FGF13: variants seen among roughly 807,000 people sequenced by gnomAD.
FGF13 encodes the protein fibroblast growth factor 13.
In FGF13, 2 loss-of-function variants were observed where a neutral mutation model predicts 19.5. The observed-to-expected ratio is 0.10, with a 90% CI of 0.04 to 0.32. FGF13 has a LOEUF of 0.32. FGF13 is among the 10% of genes least tolerant of loss of function. The pLI, the probability that FGF13 is intolerant of heterozygous loss-of-function variation, is 1.00. For missense variants in FGF13, 113 were observed against 192.7 expected, an observed-to-expected ratio of 0.59 and a Z score of 2.45; for synonymous variants, 72 against 76.9, an observed-to-expected ratio of 0.94 and a Z score of 0.33.
chrX:139,096,499 T>C (rs748246529), intron 1 of FGF13, among the ~76,000 whole-genome samples: 3 of 111,641 alleles, frequency 2.7e-5, no homozygotes, highest in South Asian at 7.5e-4. Flanking sequence ...AGTAGAAAAA[T>C]TGTGTTTTGT....
chrX:138,997,745 T>A (rs993623661), intron 1 of FGF13, among the ~76,000 whole-genome samples: 4 of 112,209 alleles, frequency 3.6e-5, no homozygotes. Flanking sequence ...TGGAACCAAA[T>A]TGGAAAACAC....
chrX:138,737,971 C>T (rs1204446103), intron 1 of FGF13, among the ~76,000 whole-genome samples: 5 of 112,151 alleles, frequency 4.5e-5, no homozygotes, highest in Non-Finnish European at 9.4e-5. Flanking sequence ...ACTAATATTG[C>T]CCTTGATGTA....
Position 138,621,622 on chromosome X carries a change from T to C in FGF13, c.*11228A>G, listed in dbSNP as rs2089016051. On this transcript the variant is annotated 3_prime_UTR_variant, in exon 5 of 5. Transcript: ENST00000315930. ...AATATCAGAACAGAAAAAAGTGAAATAGAAACTAGAAAAATAAAAAAGAGC... is the reference window on the plus strand; with the variant it reads ...AATATCAGAACAGAAAAAAGTGAAACAGAAACTAGAAAAATAAAAAAGAGC... 1 of 109,752 alleles carries C rather than the reference T, an allele frequency of 9.1e-6. No individual in the cohort carries two copies. The highest frequency in any genetic ancestry group is 3.3e-5 in the African/African-American group (1 of 30,186). The allele number at this position is 109,752 out of a possible 1,213,427, so 9.0% of individuals were successfully genotyped here.
At chrX:139,106,723 A>C (rs2083562994) in intron 1 of FGF13, among the ~76,000 whole-genome samples, 1 of 112,795 alleles carries the variant, frequency 8.9e-6, no homozygotes, top group African/African-American at 3.2e-5. Flanking sequence ...ACCAATGAAA[A>C]TACTACATAA....
At chrX:138,967,666 T>C (rs1207394297) in intron 1 of FGF13, among the ~76,000 whole-genome samples, 1 of 111,427 alleles carries the variant, frequency 9.0e-6, no homozygotes, top group East Asian at 2.8e-4. Flanking sequence ...CAAGCCACAA[T>C]TTTGAATACA....
Position 138,711,234 on chromosome X carries a change from G to A in FGF13, c.-231C>T. The A allele has an allele frequency of 9.7e-7, 1 of 1,028,668 alleles. No homozygotes were observed. Among genetic ancestry groups the A allele is most frequent in the Non-Finnish European group, 1.2e-6 (1 of 815,076 alleles). 84.8% of individuals were successfully genotyped at this position (1,028,668 alleles called of 1,213,427 possible). ...CTCCCGCGCGGGCTGCTGGCTGCCT[G>A]GGTCGGAGTCGACGCCACAGCCCCG... is the stretch of plus-strand genomic sequence containing the variant. On this transcript the variant is annotated 5_prime_UTR_variant, in exon 1 of 5. An upstream open reading frame in the 5' UTR gains an earlier in-frame stop. Transcript: ENST00000315930.
intron 3 of FGF13, among the ~76,000 whole-genome samples, chrX:138,757,487 TGTCA>T (rs968927036): frequency 4.5e-5 from 5 of 111,381 alleles, no homozygotes; most frequent in African/African-American, 1.3e-4. Flanking sequence ...ATCCTTAAAA[TGTCA>T]GTCAAAGGCC....
At chrX:139,026,067 G>T (rs1401324353) in intron 1 of FGF13, among the ~76,000 whole-genome samples, 1 of 110,750 alleles carries the variant, frequency 9.0e-6, no homozygotes, top group African/African-American at 3.3e-5. Context: ...TGCTTAATGT[G>T]GCTCATTATA....
At chrX:139,188,951 C>T (rs1426882357) in intron 1 of FGF13, among the ~76,000 whole-genome samples, 4 of 110,706 alleles carry the variant, frequency 3.6e-5, no homozygotes, top group African/African-American at 1.3e-4. Flanking sequence ...CTGCACTCAA[C>T]AAGTTTACAG....
intron 1 of FGF13, among the ~76,000 whole-genome samples, chrX:139,076,097 A>G (rs1438935745): frequency 2.7e-5 from 3 of 111,460 alleles, no homozygotes; most frequent in Non-Finnish European, 3.8e-5. Context: ...CTGCTCTCTG[A>G]TGATTATACT....
chrX:139,012,406 T>C (rs1007117753), intron 1 of FGF13, among the ~76,000 whole-genome samples: 3 of 110,838 alleles, frequency 2.7e-5, no homozygotes, highest in Non-Finnish European at 5.7e-5. Flanking sequence ...ACTAAGCAAA[T>C]AGAACAAATC....
rs191916895 is a variant in FGF13, at chrX:138,980,824, T to A, written c.-112-116174A>T. ...TTCATTTTGGTGACTTCTTAATGTA[T>A]GTATTCAGTTTACAGACAAAAAAAT... On this transcript the variant is annotated intron_variant, in intron 1 of 2. Coordinates refer to the FGF13 transcript ENST00000421460. 3.6e-5 allele frequency among the ~76,000 whole-genome samples: 4 copies of A among 110,963 alleles called. No homozygotes were observed. In the Admixed American group the frequency reaches 3.8e-4, roughly 11 times the overall value.
At chrX:138,792,507 A>G (rs761354156) in intron 3 of FGF13, among the ~76,000 whole-genome samples, 1 of 111,761 alleles carries the variant, frequency 8.9e-6, no homozygotes, top group South Asian at 3.8e-4. Flanking sequence ...AGTCCTAGAG[A>G]GGTTAAAATA....
intron 1 of FGF13, among the ~76,000 whole-genome samples, chrX:138,946,987 G>T (rs950931096): frequency 8.9e-6 from 1 of 112,197 alleles, no homozygotes; most frequent in Non-Finnish European, 1.9e-5. Flanking sequence ...CAAACAAGAG[G>T]TCGATTGCAG....
chrX:139,010,351 A>G (rs1479394895), intron 1 of FGF13, among the ~76,000 whole-genome samples: 11 of 111,617 alleles, frequency 9.9e-5, no homozygotes, highest in Non-Finnish European at 7.5e-5. Context: ...TAGAATATAC[A>G]TTCCATTCAT....
intron 1 of FGF13, among the ~76,000 whole-genome samples, chrX:139,129,154 TACAC>T (rs753541740): frequency 0.012 from 1,159 of 93,006 alleles, 21 homozygotes; most frequent in African/African-American, 0.041. Context: ...CATACACACA[TACAC>T]ACACACACAC....
At chrX:138,922,304 C>G (rs1003549141) in intron 1 of FGF13, among the ~76,000 whole-genome samples, 2 of 111,798 alleles carry the variant, frequency 1.8e-5, no homozygotes, top group African/African-American at 6.5e-5. Flanking sequence ...TTTTCCTATT[C>G]TATAGCACAA....
intron 3 of FGF13, among the ~76,000 whole-genome samples, chrX:138,770,455 C>A (rs926147590): frequency 3.6e-5 from 4 of 110,825 alleles, no homozygotes; most frequent in Non-Finnish European, 7.6e-5. Flanking sequence ...TCCCTTCCAC[C>A]CCCTCTTGAC....
At chrX:138,804,923 T>A (rs1369779651) in intron 3 of FGF13, among the ~76,000 whole-genome samples, 1 of 111,927 alleles carries the variant, frequency 8.9e-6, no homozygotes, top group East Asian at 2.8e-4. Context: ...GTCTAAAAGA[T>A]CCCATCTTAT....
Sources: allele counts gnomAD v4.1 joint callset (sites outside exome capture counted in the v4.1 genomes callset), GRCh38; gene constraint gnomAD v4.1.1; transcripts MANE v1.5; gene names NCBI Gene and HGNC (gene_info 2026-07-23, HGNC 2026-07-21).